ASCC2: variants seen among roughly 807,000 people sequenced by gnomAD.
The protein encoded by ASCC2 is ASC-1 complex subunit P100.
ASCC2 carries 42 observed loss-of-function variants against 93.5 expected under a neutral mutation model. That is an observed-to-expected ratio of 0.45 (90% CI 0.35 to 0.58). The LOEUF (loss-of-function observed/expected upper bound fraction) is 0.58, where lower values mean the gene tolerates loss of function less well. Ranked by LOEUF, ASCC2 falls within the 20% of genes least tolerant of loss-of-function variation. The pLI, the probability that ASCC2 is intolerant of heterozygous loss-of-function variation, is 0.00. For synonymous variants in ASCC2, 364 were observed against 384.2 expected, an observed-to-expected ratio of 0.95 and a Z score of 0.62; for missense variants, 859 against 977.6, an observed-to-expected ratio of 0.88 and a Z score of 1.62.
At chr22:29,798,135 C>A (rs574744330) in intron 15 of ASCC2, among the ~76,000 whole-genome samples, 1 of 152,278 alleles carries the variant, frequency 6.6e-6, no homozygotes, top group Admixed American at 6.5e-5. Flanking sequence ...GGGACCCTGC[C>A]TCTTGCCCAC....
chr22:29,790,527 G>C lies in ASCC2; in HGVS notation c.2044C>G (p.Pro682Ala). 1 of 1,614,104 alleles carries C rather than the reference G, an allele frequency of 6.2e-7. No individual in the cohort carries two copies. The highest frequency in any genetic ancestry group is 8.5e-7 in the Non-Finnish European group (1 of 1,180,024). ...TCTGCCTTCTCTCTCAGCACTGCAG[G>C]GTCCTGAACAAAATGGTCGGGCTGT... Reference protein sequence around the residue: ...APKPDHFVQDPAVLREKAEAR... With the variant: ...APKPDHFVQDAAVLREKAEAR... Residue 682 changes from proline (P) to alanine (A), a missense_variant, in exon 19 of 20, where the codon CCT becomes GCT. Physicochemically the swap from Pro to Ala is conservative, Grantham distance 27. Coordinates refer to ENST00000307790, the MANE Select transcript of ASCC2 (RefSeq NM_032204.5).
intron 15 of ASCC2, among the ~76,000 whole-genome samples, chr22:29,800,345 T>C (rs1305817827): frequency 2.0e-5 from 3 of 152,234 alleles, no homozygotes; most frequent in Admixed American, 6.5e-5. Context: ...TTGTTATACC[T>C]GCAATTTGAT....
chr22:29,799,931 G>C (rs550954479), intron 15 of ASCC2, among the ~76,000 whole-genome samples: 1 of 152,204 alleles, frequency 6.6e-6, no homozygotes, highest in South Asian at 2.1e-4. Flanking sequence ...GGAACTATAG[G>C]CGTGTGCCAG....
intron 2 of ASCC2, among the ~76,000 whole-genome samples, chr22:29,831,628 G>A (rs2148377273): frequency 6.6e-6 from 1 of 152,208 alleles, no homozygotes; most frequent in South Asian, 2.1e-4. Context: ...AAATTCTTGG[G>A]AAAACAACAA....
intron 15 of ASCC2, among the ~76,000 whole-genome samples, chr22:29,796,325 G>A (rs1004635203): frequency 9.2e-5 from 14 of 152,006 alleles, no homozygotes; most frequent in South Asian, 4.2e-4. Context: ...TCTCTGTGCC[G>A]GGCAGGGTAT....
At chr22:29,790,991 A>T (rs2057672183) in intron 18 of ASCC2, among the ~76,000 whole-genome samples, 2 of 151,838 alleles carry the variant, frequency 1.3e-5, no homozygotes. Flanking sequence ...GGGAGTGCCC[A>T]CTCTCAAGGA....
intron 5 of ASCC2, among the ~76,000 whole-genome samples, chr22:29,816,369 C>T (rs1029050410): frequency 2.0e-5 from 3 of 152,170 alleles, no homozygotes; most frequent in Non-Finnish European, 4.4e-5. Context: ...CCAGCTCACA[C>T]TGATGTCCCC....
chr22:29,832,377 C>T (rs771347534), intron 1 of ASCC2, 35 bp from the exon 2 acceptor site: 50 of 1,518,074 alleles, frequency 3.3e-5, no homozygotes, highest in Non-Finnish European at 4.6e-5. Context: ...AGAGAGCAGA[C>T]ACACAGACTC....
At chr22:29,789,324 G>A (rs1412619575) in intron 19 of ASCC2, 140 bp from the exon 20 acceptor site, 1 of 1,034,024 alleles carries the variant, frequency 9.7e-7, no homozygotes, top group African/African-American at 1.6e-5. Flanking sequence ...TCAGATGGAA[G>A]GAGAGATGGA....
chr22:29,789,225 G>A (rs781203641), intron 19 of ASCC2, 41 bp from the exon 20 acceptor site: 15 of 1,611,456 alleles, frequency 9.3e-6, no homozygotes, highest in Non-Finnish European at 9.3e-6. Context: ...CCTGTCAGCC[G>A]GAAGAGGCTC....
intron 10 of ASCC2, 56 bp downstream of exon 10, chr22:29,806,741 C>G (rs2059717233): frequency 2.6e-6 from 4 of 1,521,376 alleles, no homozygotes; most frequent in South Asian, 1.1e-5. Flanking sequence ...TGGAAACGCT[C>G]CTGAAGGGCT....
intron 5 of ASCC2, among the ~76,000 whole-genome samples, 192 bp from the exon 6 acceptor site, chr22:29,816,265 T>G (rs754826369): frequency 6.6e-6 from 1 of 152,166 alleles, no homozygotes; most frequent in Non-Finnish European, 1.5e-5. Flanking sequence ...GCCTAGAAGC[T>G]TCCCCAGGGT....
At chr22:29,818,859 G>A (rs142766598) in intron 5 of ASCC2, among the ~76,000 whole-genome samples, 8 of 152,184 alleles carry the variant, frequency 5.3e-5, no homozygotes, top group South Asian at 4.1e-4. Context: ...ACCAACACCT[G>A]TTCCAGCTGA....
At chr22:29,805,574 T>C (rs528493367) in intron 12 of ASCC2, among the ~76,000 whole-genome samples, 66 of 152,268 alleles carry the variant, frequency 4.3e-4, no homozygotes, top group African/African-American at 1.4e-3. Context: ...CCCAAACTTC[T>C]TAGTGATGGT....
intron 15 of ASCC2, among the ~76,000 whole-genome samples, chr22:29,798,693 G>A (rs917379645): frequency 5.3e-5 from 8 of 152,184 alleles, no homozygotes; most frequent in African/African-American, 1.9e-4. Context: ...ATTAGGACAT[G>A]TGTCCCTGCC....
At chr22:29,830,601 C>T (rs2063014452) in intron 2 of ASCC2, among the ~76,000 whole-genome samples, 1 of 152,218 alleles carries the variant, frequency 6.6e-6, no homozygotes, top group Non-Finnish European at 1.5e-5. Flanking sequence ...CTACACACCC[C>T]ACTGGTCTGG....
intron 1 of ASCC2, among the ~76,000 whole-genome samples, chr22:29,837,267 GAAAA>G (rs34319037): frequency 6.9e-6 from 1 of 143,910 alleles, no homozygotes; most frequent in Non-Finnish European, 1.5e-5. Flanking sequence ...CGTCTCTACC[GAAAA>G]AAAAAAAAAA....
intron 8 of ASCC2, 129 bp from the exon 9 acceptor site, chr22:29,808,314 C>T (rs2059916915): frequency 2.1e-6 from 2 of 945,518 alleles, no homozygotes; most frequent in Admixed American, 2.2e-5. Context: ...CCAGGGACCC[C>T]TTGGTTCTTC....
chr22:29,788,775 A>C lies in ASCC2; in HGVS notation c.*238T>G. On this transcript the variant is annotated 3_prime_UTR_variant, in exon 20 of 20. Coordinates refer to ENST00000307790, the MANE Select transcript of ASCC2 (RefSeq NM_032204.5). ...CTTTCCCGCTAGCGCAGCTGGGGGAAGGTGCCTGCTTGCCGGCCCCACGGA... is the reference window on the plus strand; with the variant it reads ...CTTTCCCGCTAGCGCAGCTGGGGGACGGTGCCTGCTTGCCGGCCCCACGGA... The C allele has an allele frequency of 1.9e-6, 1 of 540,264 alleles. No individual in the cohort carries two copies. Among genetic ancestry groups the C allele is most frequent in the Non-Finnish European group, 3.3e-6 (1 of 302,054 alleles). 33.5% of individuals were successfully genotyped at this position (540,264 alleles called of 1,614,324 possible).
Sources: allele counts gnomAD v4.1 joint callset (sites outside exome capture counted in the v4.1 genomes callset), GRCh38; gene constraint gnomAD v4.1.1; transcripts MANE v1.5; gene names NCBI Gene and HGNC (gene_info 2026-07-23, HGNC 2026-07-21).